Variants in C17orf50 observed in about 807,000 individuals in gnomAD.
The protein encoded by C17orf50 is uncharacterized protein C17orf50.
A neutral mutation model predicts 17.7 loss-of-function variants in C17orf50; 16 were observed. The observed-to-expected ratio is 0.90, with a 90% CI of 0.61 to 1.37. C17orf50 has a LOEUF of 1.37. Among genes scored for constraint, C17orf50 ranks in the 40% most tolerant of loss-of-function variants. C17orf50 has a pLI of 0.00. For synonymous variants in C17orf50, 125 were observed against 111.0 expected, an observed-to-expected ratio of 1.13 and a Z score of -0.80; for missense variants, 271 against 240.7, an observed-to-expected ratio of 1.13 and a Z score of -0.83.
chr17:35,763,549 G>C (rs1016878540), intron 1 of C17orf50, among the ~76,000 whole-genome samples: 1 of 147,842 alleles, frequency 6.8e-6, no homozygotes, highest in African/African-American at 2.5e-5. Context: ...ACCTCCCAAA[G>C]TGCTGAGATT....
Position 35,764,111 on chromosome 17 carries a change from C to A in C17orf50, c.118C>A (p.Gln40Lys), listed in dbSNP as rs140052043. The change falls in exon 2 of 3, where the codon CAG becomes AAG. Residue 40 changes from glutamine to lysine, a missense_variant. Gln to Lys is a moderately conservative substitution (Grantham distance 53). Coordinates refer to ENST00000605587, the MANE Select transcript of C17orf50 (RefSeq NM_145272.4). ...GTCGGAGGACGAGGACGAGGACAAC[C>A]AGAGGCCGCTGGAGGACAGCGCGAC... is the stretch of plus-strand genomic sequence containing the variant. Reference protein sequence around the residue: ...EGSEDEDEDNQRPLEDSATEG... With the variant: ...EGSEDEDEDNKRPLEDSATEG... 2,550 of 1,550,174 alleles carry A rather than the reference C, an allele frequency of 1.6e-3. 39 individuals carry two copies. In the African/African-American group the frequency reaches 0.031, roughly 19 times the overall value.
chr17:35,764,038 G>T lies in C17orf50; in HGVS notation c.45G>T (p.Thr15=). ...GVKTPLWKKE[T]EELRAEDAEQ... ...AGACCCCCTTGTGGAAGAAGGAAAC[G>T]GAAGAGCTCCGGGCCGAGGACGCGG... The change falls in exon 2 of 3, where the codon ACG becomes ACT. Residue 15 remains threonine, a synonymous_variant. Transcript: ENST00000605587. The T allele has an allele frequency of 6.5e-7, 1 of 1,547,684 alleles. No individual in the cohort carries two copies. Among genetic ancestry groups the T allele is most frequent in the Non-Finnish European group, 8.7e-7 (1 of 1,145,226 alleles).
intron 1 of C17orf50, among the ~76,000 whole-genome samples, chr17:35,763,565 C>A (rs1555601940): frequency 6.7e-6 from 1 of 149,866 alleles, no homozygotes; most frequent in Non-Finnish European, 1.5e-5. Flanking sequence ...AGATTACAGG[C>A]GTGAGCCACC....
rs1016537636 is a variant in C17orf50 at position 35,764,654 on chromosome 17, T to C, written c.*36T>C. On this transcript the variant is annotated 3_prime_UTR_variant, in exon 3 of 3. Transcript: ENST00000605587. ...TCCCAGCCTTTGTGCCCTCCATCATTTCCTGGCCCCAGACCCCCTACCGAC... is the reference window on the plus strand; with the variant it reads ...TCCCAGCCTTTGTGCCCTCCATCATCTCCTGGCCCCAGACCCCCTACCGAC... 2 of 1,534,508 alleles carry C rather than the reference T, an allele frequency of 1.3e-6. No individual in the cohort carries two copies. The highest frequency in any genetic ancestry group is 1.7e-6 in the Non-Finnish European group (2 of 1,149,998).
chr17:35,761,959 G>A (rs1366599042), intron 1 of C17orf50, among the ~76,000 whole-genome samples: 4 of 152,134 alleles, frequency 2.6e-5, no homozygotes, highest in African/African-American at 9.7e-5. Context: ...AGGATGGACT[G>A]GGATCAAAAG....
chr17:35,763,122 CAAAA>C (rs56180495), intron 1 of C17orf50, among the ~76,000 whole-genome samples: 2 of 103,138 alleles, frequency 1.9e-5, no homozygotes, highest in Non-Finnish European at 2.2e-5. Flanking sequence ...ACTCCGTCTC[CAAAA>C]AAAAAAAAAA....
intron 1 of C17orf50, among the ~76,000 whole-genome samples, 196 bp from the exon 2 acceptor site, chr17:35,763,811 C>T (rs1370033362): frequency 6.6e-6 from 1 of 151,884 alleles, no homozygotes; most frequent in East Asian, 1.9e-4. Context: ...GCAAAAGAAT[C>T]GCTTGAGCCC....
Position 35,764,702 on chromosome 17 carries a change from C to G in C17orf50, c.*84C>G, listed in dbSNP as rs1366651563. The G allele has an allele frequency of 7.1e-7, 1 of 1,410,390 alleles. No homozygotes were observed. Among genetic ancestry groups the G allele is most frequent in the Non-Finnish European group, 9.4e-7 (1 of 1,065,208 alleles). 87.4% of individuals were successfully genotyped at this position (1,410,390 alleles called of 1,614,324 possible). On this transcript the variant is annotated 3_prime_UTR_variant, in exon 3 of 3. Coordinates refer to ENST00000605587, the MANE Select transcript of C17orf50 (RefSeq NM_145272.4). ...GACCTTCTCTCTTGGAGCGCGGAGC[C>G]CTCTTCGACGCATTCCGCAGGACCG...
At chr17:35,763,890 C>T (rs2085874766) in intron 1 of C17orf50, 117 bp from the exon 2 acceptor site, 2 of 652,264 alleles carry the variant, frequency 3.1e-6, no homozygotes, top group Non-Finnish European at 3.9e-6. Context: ...GAGAGAGACC[C>T]TGTCTCAAAA....
chr17:35,763,967 G>T, intron 1 of C17orf50, 40 bp from the exon 2 acceptor site: 4 of 1,394,052 alleles, frequency 2.9e-6, no homozygotes, highest in Non-Finnish European at 3.7e-6. Flanking sequence ...ACCCTTTCTC[G>T]GGGACAGCAG....
chr17:35,763,334 TG>T (rs1441266981), intron 1 of C17orf50, among the ~76,000 whole-genome samples: 16 of 151,126 alleles, frequency 1.1e-4, no homozygotes, highest in African/African-American at 3.6e-4. Flanking sequence ...TGGAGTGTGG[TG>T]GTGCAATCAT....
In C17orf50 at chr17:35,764,192, TCA is replaced by T; in HGVS notation, c.200_201del (p.Ser67CysfsTer100). 1.3e-6 allele frequency: 2 copies of T among 1,547,990 alleles called. No individual in the cohort carries two copies. Among genetic ancestry groups the T allele is most frequent in the Non-Finnish European group, 8.7e-7 (1 of 1,146,600 alleles). ...AEEGEGRERR[S>X]VSYCPLRQES... ...GGAGGGCGAAGGCCGCGAGCGGCGC[TCA>T]GTGTCCTACTGCCCGCTGCGCCAGG... On this transcript the variant is annotated frameshift_variant, in exon 2 of 3. Transcript: ENST00000605587. LOFTEE classifies it high-confidence loss of function.
At position 35,764,170 on chromosome 17, in the gene C17orf50, G is replaced by C. The variant is rs782653090; in HGVS notation, c.177G>C (p.Glu59Asp). ...EGEEPPRVAEEGEGRERRSVS... is the reference protein window; with the variant it reads ...EGEEPPRVAEDGEGRERRSVS... Reference sequence around the variant, plus strand: ...AGGAGCCGCCGCGGGTAGCGGAGGAGGGCGAAGGCCGCGAGCGGCGCTCAG... The same window carrying C: ...AGGAGCCGCCGCGGGTAGCGGAGGACGGCGAAGGCCGCGAGCGGCGCTCAG... The change falls in exon 2 of 3, where the codon GAG (glutamate) becomes GAC (aspartate). Residue 59 changes from glutamate (E) to aspartate (D), a missense_variant. Coordinates refer to ENST00000605587, the MANE Select transcript of C17orf50 (RefSeq NM_145272.4). 2 of 1,548,674 alleles carry C rather than the reference G, an allele frequency of 1.3e-6. No homozygotes were observed. Among genetic ancestry groups the C allele is most frequent in the South Asian group, 2.4e-5 (2 of 83,920 alleles).
Position 35,764,284 on chromosome 17 carries a change from C to T in C17orf50, c.291C>T (p.Gly97=), listed in dbSNP as rs1568122582. 2.0e-6 allele frequency: 3 copies of T among 1,526,846 alleles called. No individual in the cohort carries two copies. The highest frequency in any genetic ancestry group is 1.4e-5 in the African/African-American group (1 of 71,438). The allele number at this position is 1,526,846 out of a possible 1,614,324, so 94.6% of individuals were successfully genotyped here. ...RADSGFWGWL[G]PLALLGGLTA... is the part of the protein sequence containing the mutation. ...ACAGCGGCTTCTGGGGCTGGCTCGG[C>T]CCCTTAGCGCTGCTGGGCGGCCTAA... Residue 97 remains glycine (G), a synonymous_variant, in exon 2 of 3, where the codon GGC becomes GGT. Transcript: ENST00000605587.
In C17orf50 at chr17:35,764,283, GC is replaced by G; in HGVS notation, c.294del (p.Leu99Ter). The G allele has an allele frequency of 6.5e-7, 1 of 1,526,894 alleles. No homozygotes were observed. 94.6% of individuals were successfully genotyped at this position (1,526,894 alleles called of 1,614,324 possible). A position where few individuals can be genotyped will look rare whatever the true frequency, so the allele number is the denominator to read the frequency against. ...RADSGFWGWL[G>X]PLALLGGLTA... ...GACAGCGGCTTCTGGGGCTGGCTCG[GC>G]CCCTTAGCGCTGCTGGGCGGCCTAA... On this transcript the variant is annotated frameshift_variant, in exon 2 of 3. Transcript: ENST00000605587. LOFTEE classifies it high-confidence loss of function.
rs1238687534 is a variant in C17orf50, at chr17:35,764,085, G to T, written c.92G>T (p.Gly31Val). ...GCGGAGCAAGAGGAAGGGAAGGAGGGGTCGGAGGACGAGGACGAGGACAAC... is the reference window on the plus strand; with the variant it reads ...GCGGAGCAAGAGGAAGGGAAGGAGGTGTCGGAGGACGAGGACGAGGACAAC... ...EDAEQEEGKE[G>V]SEDEDEDNQR... is the part of the protein sequence containing the mutation. Residue 31 changes from glycine (G) to valine (V), a missense_variant, in exon 2 of 3, where the codon GGG becomes GTG. Gly to Val is a moderately radical substitution (Grantham distance 109, BLOSUM62 -3). Coordinates refer to ENST00000605587, the MANE Select transcript of C17orf50 (RefSeq NM_145272.4). The T allele has an allele frequency of 1.9e-6, 3 of 1,550,312 alleles. No individual in the cohort carries two copies. In the African/African-American group the frequency reaches 4.1e-5, roughly 21 times the overall value.
At chr17:35,763,506 G>C (rs377068852) in intron 1 of C17orf50, among the ~76,000 whole-genome samples, 1 of 142,512 alleles carries the variant, frequency 7.0e-6, no homozygotes, top group South Asian at 2.2e-4. Flanking sequence ...CACTGGTCTC[G>C]AACTCTTGAG....
At position 35,764,089 on chromosome 17, in the gene C17orf50, G is replaced by A; in HGVS notation, c.96G>A (p.Ser32=). The stretch of plus-strand genomic sequence containing the variant: ...AGCAAGAGGAAGGGAAGGAGGGGTC[G>A]GAGGACGAGGACGAGGACAACCAGA... The part of the protein sequence containing the change: ...DAEQEEGKEG[S]EDEDEDNQRP... Residue 32 remains serine (S), a synonymous_variant, in exon 2 of 3, where the codon TCG becomes TCA. Transcript: ENST00000605587. 1.3e-6 allele frequency: 2 copies of A among 1,550,282 alleles called. No individual in the cohort carries two copies. Among genetic ancestry groups the A allele is most frequent in the Non-Finnish European group, 1.7e-6 (2 of 1,146,784 alleles).
rs2085886976 is a variant in C17orf50, at chr17:35,764,250, GGC to G, written c.263_264del (p.Ala88GlyfsTer79). The G allele has an allele frequency of 1.3e-6, 2 of 1,540,610 alleles. No homozygotes were observed. The highest frequency in any genetic ancestry group is 1.7e-6 in the Non-Finnish European group (2 of 1,143,504). On this transcript the variant is annotated frameshift_variant, in exon 2 of 3. Transcript: ENST00000605587. LOFTEE classifies it high-confidence loss of function. ...AGCACCCAGCAGGTGGCGCTGCTGC[GGC>G]GCGCGGACAGCGGCTTCTGGGGCTG...
Sources: gnomAD v4.1 joint callset for allele counts (sites outside exome capture counted in the v4.1 genomes callset) on GRCh38, gnomAD v4.1.1 for gene constraint, MANE v1.5 for transcripts, NCBI Gene and HGNC (gene_info 2026-07-23, HGNC 2026-07-21) for gene names.